Variants in LAMB1 observed in about 807,000 individuals in gnomAD.
The protein encoded by LAMB1 is laminin subunit beta-1.
Under a neutral mutation model 222.3 loss-of-function variants are expected in LAMB1, and 121 were observed. That is an observed-to-expected ratio of 0.54 (90% CI 0.47 to 0.63). The LOEUF is 0.63. Among genes scored for constraint, LAMB1 ranks in the 30% least tolerant of loss-of-function variants. LAMB1 has a pLI of 0.00. For missense variants in LAMB1, 2,172 were observed against 2,240.8 expected (o/e 0.97, Z 0.62); for synonymous variants, 794 against 807.2 (o/e 0.98, Z 0.28).
At position 107,976,500 on chromosome 7, in the gene LAMB1, G is replaced by A. The variant is rs555269598; in HGVS notation, c.1001-623C>T. Among the ~76,000 whole-genome samples the A allele has an allele frequency of 9.1e-4, 139 of 152,208 alleles. 1 individual carries two copies. Among genetic ancestry groups the A allele is most frequent in the African/African-American group, 3.2e-3 (132 of 41,530 alleles). On this transcript the variant is annotated intron_variant, in intron 9 of 33. Transcript: ENST00000222399. ...GGTGCCACCCAGCTTTAATCATCTC[G>A]CTCTCGGGCTTAACAATCCCATTCT...
chr7:107,932,730 T>G, intron 27 of LAMB1: 1 of 275,636 alleles, frequency 3.6e-6, no homozygotes. Context: ...CAGTTAGAGT[T>G]TAAAAAAAAA....
chr7:107,959,506 T>C, intron 19 of LAMB1, 26 bp from the exon 20 acceptor site: 2 of 1,612,058 alleles, frequency 1.2e-6, no homozygotes, highest in Non-Finnish European at 1.7e-6. Flanking sequence ...AACAAGGAAC[T>C]GCCTTGAGAA....
chr7:107,933,146 G>C (rs552598506), intron 27 of LAMB1, among the ~76,000 whole-genome samples: 1 of 152,158 alleles, frequency 6.6e-6, no homozygotes, highest in African/African-American at 2.4e-5. Flanking sequence ...ATCACCACTT[G>C]GTCATGGCAT....
chr7:108,001,084 C>T (rs938673745), intron 3 of LAMB1, among the ~76,000 whole-genome samples: 1 of 152,060 alleles, frequency 6.6e-6, no homozygotes, highest in Non-Finnish European at 1.5e-5. Flanking sequence ...TAGTTGGGAA[C>T]AGCACCAAAT....
At chr7:107,928,325 T>A (rs1246570359) in intron 31 of LAMB1, among the ~76,000 whole-genome samples, 1 of 152,234 alleles carries the variant, frequency 6.6e-6, no homozygotes, top group Non-Finnish European at 1.5e-5. Context: ...GCAGACTGAC[T>A]GTTCTCCCAT....
intron 13 of LAMB1, among the ~76,000 whole-genome samples, chr7:107,970,508 G>GA (rs2033726988): frequency 6.8e-6 from 1 of 147,614 alleles, no homozygotes; most frequent in South Asian, 2.1e-4. Context: ...AAAAAAAAGG[G>GA]GGGGGTGGGC....
chr7:108,001,732 G>A lies in LAMB1; in HGVS notation c.39C>T (p.Ala13=), dbSNP rs779999218. The change falls in exon 3 of 34, where the codon GCC becomes GCT. Residue 13 remains alanine, a splice_region_variant and synonymous_variant. Coordinates refer to ENST00000222399, the MANE Select transcript of LAMB1 (RefSeq NM_002291.3). ...GAGCGCGCACTCGGGCTCTGCACAGGGCTGCGGGAAGGACAGGCAACAGAG... is the reference window on the plus strand; with the variant it reads ...GAGCGCGCACTCGGGCTCTGCACAGAGCTGCGGGAAGGACAGGCAACAGAG... ...LLQLLAFSFL[A]LCRARVRAQE... 1 of 1,612,672 alleles carries A rather than the reference G, an allele frequency of 6.2e-7. No homozygotes were observed. The highest frequency in any genetic ancestry group is 1.1e-5 in the South Asian group (1 of 90,952).
chr7:107,933,497 A>G (rs1051967044), intron 27 of LAMB1, among the ~76,000 whole-genome samples: 1 of 152,204 alleles, frequency 6.6e-6, no homozygotes, highest in African/African-American at 2.4e-5. Flanking sequence ...CATGCTGTAA[A>G]ACATGAGTCT....
chr7:107,938,788 T>C (rs1216010860), intron 25 of LAMB1, among the ~76,000 whole-genome samples: 3 of 152,180 alleles, frequency 2.0e-5, no homozygotes, highest in Non-Finnish European at 4.4e-5. Flanking sequence ...CTAAATGCAT[T>C]GTCACTCTAC....
Position 107,932,392 on chromosome 7 carries a change from G to C in LAMB1, c.4189-15C>G, listed in dbSNP as rs2032734431. The stretch of plus-strand genomic sequence containing the variant: ...GTTCCACAGGTCTGCAACAAGCCAA[G>C]GATCAGGCACAATACTTCGGATAGT... On this transcript the variant is annotated splice_polypyrimidine_tract_variant and intron_variant, in intron 27 of 33. Coordinates refer to ENST00000222399, the MANE Select transcript of LAMB1 (RefSeq NM_002291.3). 6.2e-7 allele frequency: 1 copy of C among 1,613,488 alleles called. No homozygotes were observed. Among genetic ancestry groups the C allele is most frequent in the African/African-American group, 1.3e-5 (1 of 74,938 alleles).
intron 20 of LAMB1, among the ~76,000 whole-genome samples, chr7:107,957,821 C>T (rs1004609371): frequency 6.6e-6 from 1 of 152,180 alleles, no homozygotes; most frequent in Non-Finnish European, 1.5e-5. Flanking sequence ...GAGAAACTGG[C>T]TCAAACTAGA....
At chr7:107,992,194 C>T (rs1199758480) in intron 5 of LAMB1, among the ~76,000 whole-genome samples, 1 of 152,212 alleles carries the variant, frequency 6.6e-6, no homozygotes, top group African/African-American at 2.4e-5. Context: ...GACATCCCTG[C>T]TCTCCCTTCC....
At chr7:107,977,014 TCTC>T (rs2033878195) in intron 9 of LAMB1, among the ~76,000 whole-genome samples, 1 of 24,020 alleles carries the variant, frequency 4.2e-5, no homozygotes, top group Non-Finnish European at 1.0e-4. Flanking sequence ...CTTTCCTCTC[TCTC>T]CTTCCTTCCT....
At chr7:107,982,426 T>C (rs552201190) in intron 7 of LAMB1, among the ~76,000 whole-genome samples, 23 of 152,322 alleles carry the variant, frequency 1.5e-4, no homozygotes, top group South Asian at 6.2e-4. Flanking sequence ...ACAATGAAGC[T>C]ATAGAAATGG....
intron 13 of LAMB1, 114 bp downstream of exon 13, chr7:107,972,878 A>G (rs143750178): frequency 4.3e-5 from 35 of 821,446 alleles, no homozygotes; most frequent in Middle Eastern, 2.3e-4. Context: ...TTATCAAGAC[A>G]TACAAAAAAT....
intron 16 of LAMB1, 24 bp downstream of exon 16, chr7:107,961,525 C>T: frequency 1.2e-6 from 2 of 1,601,706 alleles, no homozygotes; most frequent in Non-Finnish European, 1.7e-6. Context: ...GCCCGTTGAG[C>T]TGCCAAACCA....
At chr7:107,961,362 A>G (rs2033496224) in intron 16 of LAMB1, 33 bp from the exon 17 acceptor site, 1 of 1,610,350 alleles carries the variant, frequency 6.2e-7, no homozygotes, top group Non-Finnish European at 8.5e-7. Context: ...GACAACAACG[A>G]AAGTCAACCT....
intron 18 of LAMB1, among the ~76,000 whole-genome samples, chr7:107,960,155 C>T (rs979702976): frequency 3.3e-5 from 5 of 152,194 alleles, no homozygotes; most frequent in Non-Finnish European, 5.9e-5. Context: ...TTTGATGCTT[C>T]TCTGATTCCA....
chr7:107,934,783 A>G (rs1429452123), intron 27 of LAMB1, among the ~76,000 whole-genome samples: 1 of 152,034 alleles, frequency 6.6e-6, no homozygotes, highest in Non-Finnish European at 1.5e-5. Context: ...AGGAATGTCC[A>G]AGCTGGGTGT....
Sources: gnomAD v4.1 joint callset for allele counts (sites outside exome capture counted in the v4.1 genomes callset) on GRCh38, gnomAD v4.1.1 for gene constraint, MANE v1.5 for transcripts, NCBI Gene and HGNC (gene_info 2026-07-23, HGNC 2026-07-21) for gene names.